The following SERGEF variants were observed in gnomAD, a reference collection of about 807,000 sequenced individuals.
The protein encoded by SERGEF is secretion regulating guanine nucleotide exchange factor, also known as secretion-regulating guanine nucleotide exchange factor.
A neutral mutation model predicts 50.0 loss-of-function variants in SERGEF; 51 were observed. That is an observed-to-expected ratio of 1.02 (90% CI 0.81 to 1.29). The LOEUF is 1.29. SERGEF is among the 50% of genes most tolerant of loss of function. The pLI, the probability that SERGEF is intolerant of heterozygous loss-of-function variation, is 0.00. For synonymous variants in SERGEF, 205 were observed against 212.4 expected (o/e 0.97, Z 0.30); for missense variants, 521 against 557.0 (o/e 0.94, Z 0.65).
chr11:18,003,924 A>G (rs2134011082), intron 4 of SERGEF, among the ~76,000 whole-genome samples: 1 of 152,324 alleles, frequency 6.6e-6, no homozygotes, highest in South Asian at 2.1e-4. Context: ...TATACATTTT[A>G]AAGGGGTTAA....
In SERGEF at chr11:17,801,674, A is replaced by G. The variant is rs1017250760; in HGVS notation, c.1049-13261T>C. The stretch of plus-strand genomic sequence containing the variant: ...TGGACATTTTAAGATGTAAGTGCCT[A>G]TTAGACATGAATGAATGAATGTATT... On this transcript the variant is annotated intron_variant, in intron 10 of 10. Transcript: ENST00000265965. Among the ~76,000 whole-genome samples, 3 of 152,310 alleles carry G rather than the reference A, an allele frequency of 2.0e-5. No individual in the cohort carries two copies. The South Asian group carries it at 6.2e-4, about 32-fold the overall frequency.
chr11:18,012,707 C>G (rs1241172571), intron 1 of SERGEF: 4 of 1,224,096 alleles, frequency 3.3e-6, no homozygotes, highest in Non-Finnish European at 4.3e-6. Context: ...TCCCGCGGCG[C>G]CACAGCCCCT....
At chr11:17,995,639 C>A (rs1276982794) in intron 6 of SERGEF, among the ~76,000 whole-genome samples, 157 bp downstream of exon 6, 6 of 152,188 alleles carry the variant, frequency 3.9e-5, no homozygotes, top group Admixed American at 3.3e-4. Flanking sequence ...ACTGGGCCAA[C>A]AAACAATGCC....
intron 2 of SERGEF, 127 bp downstream of exon 2, chr11:18,007,814 A>C (rs1402727298): frequency 1.3e-5 from 13 of 1,038,140 alleles, no homozygotes; most frequent in African/African-American, 1.6e-5. Flanking sequence ...TCTTTCACAA[A>C]AATGTTTCAC....
At chr11:17,799,423 G>C (rs952618116) in intron 10 of SERGEF, among the ~76,000 whole-genome samples, 3 of 152,194 alleles carry the variant, frequency 2.0e-5, no homozygotes, top group Non-Finnish European at 2.9e-5. Flanking sequence ...GGGACTTTCA[G>C]GTTGTTTCCA....
intron 9 of SERGEF, among the ~76,000 whole-genome samples, chr11:17,878,482 T>C (rs1203674917): frequency 1.3e-5 from 2 of 152,218 alleles, no homozygotes; most frequent in Non-Finnish European, 2.9e-5. Context: ...TGTCTTTAGC[T>C]AGTGAGACCA....
intron 10 of SERGEF, 49 bp from the exon 11 acceptor site, chr11:17,788,462 G>A: frequency 6.8e-7 from 1 of 1,474,320 alleles, no homozygotes; most frequent in East Asian, 2.3e-5. Flanking sequence ...GGATAATAGG[G>A]CTGAAACATT....
chr11:17,996,783 C>G (rs1414394773), intron 5 of SERGEF, among the ~76,000 whole-genome samples: 3 of 151,408 alleles, frequency 2.0e-5, no homozygotes, highest in East Asian at 3.9e-4. Context: ...GAAATAAAAA[C>G]TTACAATCTC....
At chr11:17,992,549 C>T (rs1853737396) in intron 7 of SERGEF, among the ~76,000 whole-genome samples, 1 of 152,132 alleles carries the variant, frequency 6.6e-6, no homozygotes, top group South Asian at 2.1e-4. Context: ...TTATATTACA[C>T]TGTGTTATCC....
intron 9 of SERGEF, among the ~76,000 whole-genome samples, chr11:17,916,851 T>TC (rs776163352): frequency 6.6e-6 from 1 of 152,202 alleles, no homozygotes; most frequent in Non-Finnish European, 1.5e-5. Flanking sequence ...ATCCCTGTTA[T>TC]CCCCCTAGCA....
chr11:17,908,059 TCA>T (rs1259606545), intron 9 of SERGEF, among the ~76,000 whole-genome samples: 2 of 152,190 alleles, frequency 1.3e-5, no homozygotes, highest in Non-Finnish European at 2.9e-5. Context: ...TCAATCACTG[TCA>T]CAGTTTTCTG....
chr11:17,965,568 G>A (rs996075223), intron 8 of SERGEF, among the ~76,000 whole-genome samples: 2 of 151,912 alleles, frequency 1.3e-5, no homozygotes, highest in Non-Finnish European at 2.9e-5. Flanking sequence ...CCTCATCCTG[G>A]GAGCATTTAC....
intron 9 of SERGEF, among the ~76,000 whole-genome samples, chr11:17,906,270 C>T (rs1349850900): frequency 1.3e-5 from 2 of 152,204 alleles, no homozygotes; most frequent in African/African-American, 2.4e-5. Context: ...AACTCTCAAA[C>T]CCAGTTTCAG....
chr11:17,978,109 CCT>C (rs1378951416), intron 8 of SERGEF, among the ~76,000 whole-genome samples: 2 of 152,110 alleles, frequency 1.3e-5, no homozygotes, highest in Admixed American at 1.3e-4. Flanking sequence ...AGCCACTTAG[CCT>C]CTCTGAGCCT....
chr11:17,790,506 T>C (rs943084919), intron 10 of SERGEF, among the ~76,000 whole-genome samples: 1 of 152,222 alleles, frequency 6.6e-6, no homozygotes, highest in Non-Finnish European at 1.5e-5. Flanking sequence ...TGGCTAGTTA[T>C]TTAATAATAT....
chr11:17,878,353 G>A, intron 9 of SERGEF, 109 bp from the exon 10 acceptor site: 3 of 749,870 alleles, frequency 4.0e-6, no homozygotes, highest in Non-Finnish European at 4.4e-6. Flanking sequence ...GCAAAATTTA[G>A]GAAGGAAATA....
intron 9 of SERGEF, among the ~76,000 whole-genome samples, chr11:17,928,764 T>C (rs1852296992): frequency 6.6e-6 from 1 of 152,050 alleles, no homozygotes; most frequent in Non-Finnish European, 1.5e-5. Flanking sequence ...CCAAGGGGTC[T>C]AGGAGATTTA....
intron 8 of SERGEF, among the ~76,000 whole-genome samples, chr11:17,986,460 A>C (rs930427139): frequency 2.0e-5 from 3 of 152,212 alleles, no homozygotes; most frequent in African/African-American, 7.2e-5. Context: ...GTTACCAAAA[A>C]ATCATGCTCT....
chr11:17,975,640 G>A, intron 8 of SERGEF, among the ~76,000 whole-genome samples: 1 of 152,146 alleles, frequency 6.6e-6, no homozygotes, highest in East Asian at 1.9e-4. Flanking sequence ...GCGATGAGTA[G>A]AAAGCAAGCA....
Sources: allele counts gnomAD v4.1 joint callset (sites outside exome capture counted in the v4.1 genomes callset), GRCh38; gene constraint gnomAD v4.1.1; transcripts MANE v1.5; gene names NCBI Gene and HGNC (gene_info 2026-07-23, HGNC 2026-07-21).